Variants in EPHB2 observed in about 807,000 individuals in gnomAD.
EPHB2 encodes the protein ephrin type-B receptor 2.
EPHB2 carries 18 observed loss-of-function variants against 96.4 expected under a neutral mutation model. The observed-to-expected ratio is 0.19, with a 90% CI of 0.13 to 0.28. The LOEUF (loss-of-function observed/expected upper bound fraction) is 0.28, where lower values mean the gene tolerates loss of function less well. Among genes scored for constraint, EPHB2 ranks in the 10% least tolerant of loss-of-function variants. EPHB2 has a pLI of 1.00. For missense variants in EPHB2, 989 were observed against 1,355.4 expected (o/e 0.73, Z 4.25); for synonymous variants, 506 against 534.1 (o/e 0.95, Z 0.72).
chr1:22,822,999 A>G (rs957233745), intron 3 of EPHB2, among the ~76,000 whole-genome samples: 2 of 152,208 alleles, frequency 1.3e-5, no homozygotes, highest in Non-Finnish European at 2.9e-5. Context: ...GGAGCCACTG[A>G]GACCTACATA....
Position 22,921,473 on chromosome 1 carries a change from C to G in EPHB2, c.*7903C>G, listed in dbSNP as rs1640394597. The G allele has an allele frequency of 6.6e-6, 1 of 152,024 alleles. No homozygotes were observed. The highest frequency in any genetic ancestry group is 1.5e-5 in the Non-Finnish European group (1 of 67,996). The allele number at this position is 152,024 out of a possible 1,614,324, so 9.4% of individuals were successfully genotyped here. ...TATTTTTAGCAGAACCGTTTTTTTC[C>G]CAAAATAAATGTGAATTGTAAAAAT... On this transcript the variant is annotated 3_prime_UTR_variant, in exon 16 of 16. Coordinates refer to ENST00000374630, the MANE Select transcript of EPHB2 (RefSeq NM_017449.5).
intron 6 of EPHB2, among the ~76,000 whole-genome samples, chr1:22,891,630 T>A (rs1340768734): frequency 1.3e-5 from 2 of 152,206 alleles, no homozygotes; most frequent in Non-Finnish European, 2.9e-5. Flanking sequence ...AGCAGCTGGA[T>A]CTTTGTCCTG....
chr1:22,804,184 C>T (rs978914442), intron 3 of EPHB2, among the ~76,000 whole-genome samples: 3 of 152,170 alleles, frequency 2.0e-5, no homozygotes, highest in Non-Finnish European at 4.4e-5. Flanking sequence ...TCCCAGGCTG[C>T]CGCGGCCAGT....
intron 3 of EPHB2, among the ~76,000 whole-genome samples, chr1:22,856,765 T>C (rs556039130): frequency 5.3e-5 from 8 of 152,280 alleles, no homozygotes; most frequent in Admixed American, 3.3e-4. Context: ...AAAGAATCCA[T>C]GTAAGACACA....
chr1:22,777,164 A>G (rs1392689039), intron 1 of EPHB2, among the ~76,000 whole-genome samples: 2 of 152,228 alleles, frequency 1.3e-5, no homozygotes, highest in Non-Finnish European at 2.9e-5. Context: ...CAGAAGGAAC[A>G]GTATGTGTGA....
intron 1 of EPHB2, among the ~76,000 whole-genome samples, chr1:22,746,184 A>T (rs979217098): frequency 2.0e-5 from 3 of 152,174 alleles, no homozygotes; most frequent in African/African-American, 7.2e-5. Flanking sequence ...AACAGATCAG[A>T]CAGTCATCAA....
chr1:22,821,466 G>A lies in EPHB2; in HGVS notation c.811+36390G>A, dbSNP rs61768198. Among the ~76,000 whole-genome samples the A allele has an allele frequency of 4.6e-3, 704 of 152,248 alleles. 3 individuals are homozygous for A. The highest frequency in any genetic ancestry group is 6.9e-3 in the Non-Finnish European group (472 of 68,026). On this transcript the variant is annotated intron_variant, in intron 3 of 15. Coordinates refer to ENST00000374630, the MANE Select transcript of EPHB2 (RefSeq NM_017449.5). Reference sequence around the variant, plus strand: ...GTAAGTCATCAAATCCAGCTTTCTGGTATCCCAGAAAAGGAACCTGAAGCC... The same window carrying A: ...GTAAGTCATCAAATCCAGCTTTCTGATATCCCAGAAAAGGAACCTGAAGCC...
chr1:22,778,340 T>A (rs1644481621), intron 1 of EPHB2, among the ~76,000 whole-genome samples: 1 of 152,224 alleles, frequency 6.6e-6, no homozygotes, highest in African/African-American at 2.4e-5. Flanking sequence ...TGATATTGGT[T>A]ACCAAGCAAG....
rs933005737 is a variant in EPHB2, at chr1:22,710,897, T to C, written c.-86T>C. The stretch of plus-strand genomic sequence containing the variant: ...GTGCGCCGCGCCTTGCCGCCCCCCC[T>C]GGCCCCCCGAGCCCGGGGCGCGCGC... On this transcript the variant is annotated 5_prime_UTR_variant, in exon 1 of 16. Transcript: ENST00000374630. The C allele has an allele frequency of 7.6e-4, 110 of 145,418 alleles. No individual in the cohort carries two copies. The highest frequency in any genetic ancestry group is 1.5e-3 in the Non-Finnish European group (96 of 65,432). The allele number at this position is 145,418 out of a possible 1,614,324, so 9.0% of individuals were successfully genotyped here.
intron 4 of EPHB2, 132 bp downstream of exon 4, chr1:22,863,324 T>G (rs1287840800): frequency 6.7e-6 from 10 of 1,483,784 alleles, no homozygotes; most frequent in Non-Finnish European, 2.7e-6. Context: ...AATGGAAAAG[T>G]GCTCAAGAAA....
chr1:22,781,318 TAAA>T (rs71020449), intron 1 of EPHB2, 100 bp from the exon 2 acceptor site: 19,777 of 866,122 alleles, frequency 0.023, 1 homozygote, highest in Non-Finnish European at 0.027. Context: ...AGACTCCGTC[TAAA>T]AAAAAAAAAA....
intron 3 of EPHB2, among the ~76,000 whole-genome samples, chr1:22,862,452 A>G (rs1454542371): frequency 1.3e-5 from 2 of 152,236 alleles, no homozygotes; most frequent in Non-Finnish European, 2.9e-5. Flanking sequence ...CTAATTTTAC[A>G]AATAAGAAAA....
chr1:22,893,373 G>A (rs1432124423), intron 7 of EPHB2, among the ~76,000 whole-genome samples: 1 of 152,174 alleles, frequency 6.6e-6, no homozygotes. Flanking sequence ...CATTCAATCT[G>A]AGAAAGTAAG....
intron 1 of EPHB2, among the ~76,000 whole-genome samples, chr1:22,772,763 C>G (rs1644397505): frequency 1.3e-5 from 2 of 152,192 alleles, no homozygotes; most frequent in African/African-American, 4.8e-5. Context: ...GTCTCAGTTT[C>G]CTCATCTGTA....
At chr1:22,781,934 C>G (rs1016663956) in intron 2 of EPHB2, among the ~76,000 whole-genome samples, 6 of 152,200 alleles carry the variant, frequency 3.9e-5, no homozygotes, top group Admixed American at 3.3e-4. Flanking sequence ...TGCCCAGGGC[C>G]CTATAGATAA....
chr1:22,913,987 T>C lies in EPHB2; in HGVS notation c.*417T>C, dbSNP rs1238282647. On this transcript the variant is annotated 3_prime_UTR_variant, in exon 16 of 16. Coordinates refer to ENST00000374630, the MANE Select transcript of EPHB2 (RefSeq NM_017449.5). The surrounding 1 kb of genome is among the most constrained non-coding windows in gnomAD (Gnocchi z 4.1). ...CAAGAAACACTTTCAGAAAAACAAA[T>C]GTGAAGGGGAGAGACAGGGGCCGCC... is the stretch of plus-strand genomic sequence containing the variant. 2.2e-6 allele frequency: 3 copies of C among 1,363,704 alleles called. No homozygotes were observed. Among genetic ancestry groups the C allele is most frequent in the Non-Finnish European group, 2.9e-6 (3 of 1,022,514 alleles). 84.5% of individuals were successfully genotyped at this position (1,363,704 alleles called of 1,614,324 possible).
Position 22,912,513 on chromosome 1 carries a change from G to A in EPHB2, c.2766G>A (p.Leu922=). ...YTSFNTVDEW[L]EAIKMGQYKE... Reference sequence around the variant, plus strand: ...GCTTTAACACGGTGGACGAGTGGCTGGAGGCCATCAAGATGGGGCAGTACA... The same window carrying A: ...GCTTTAACACGGTGGACGAGTGGCTAGAGGCCATCAAGATGGGGCAGTACA... The change falls in exon 15 of 16, where the codon CTG becomes CTA. Residue 922 remains leucine (L), a synonymous_variant. Coordinates refer to ENST00000374630, the MANE Select transcript of EPHB2 (RefSeq NM_017449.5). 3 of 1,614,142 alleles carry A rather than the reference G, an allele frequency of 1.9e-6. No individual in the cohort carries two copies. Among genetic ancestry groups the A allele is most frequent in the African/African-American group, 2.7e-5 (2 of 75,028 alleles).
chr1:22,834,594 GC>G (rs1645352719), intron 3 of EPHB2, among the ~76,000 whole-genome samples: 1 of 151,974 alleles, frequency 6.6e-6, no homozygotes, highest in South Asian at 2.1e-4. Flanking sequence ...AAACAAATGA[GC>G]CTGGCTGTGT....
intron 9 of EPHB2, among the ~76,000 whole-genome samples, chr1:22,897,327 T>G (rs1163800705): frequency 6.6e-6 from 1 of 152,200 alleles, no homozygotes; most frequent in Non-Finnish European, 1.5e-5. Flanking sequence ...GAGTTCTAAA[T>G]GGGTCCAACA....
Sources: gnomAD v4.1 joint callset for allele counts (sites outside exome capture counted in the v4.1 genomes callset) on GRCh38, gnomAD v4.1.1 for gene constraint, Gnocchi (gnomAD v3.1) non-coding constraint, MANE v1.5 for transcripts, NCBI Gene and HGNC (gene_info 2026-07-23, HGNC 2026-07-21) for gene names.